Variants in RTN4 observed in about 807,000 individuals in gnomAD.
The protein encoded by RTN4 is reticulon 4.
A neutral mutation model predicts 90.4 loss-of-function variants in RTN4; 32 were observed. That is an observed-to-expected ratio of 0.35 (90% CI 0.27 to 0.48). The LOEUF (loss-of-function observed/expected upper bound fraction) is 0.48. Among genes scored for constraint, RTN4 ranks in the 20% least tolerant of loss-of-function variants. RTN4 has a pLI of 0.99. For missense variants in RTN4, 1,706 were observed against 1,430.2 expected, an observed-to-expected ratio of 1.19 and a Z score of -3.11; for synonymous variants, 629 against 552.5, an observed-to-expected ratio of 1.14 and a Z score of -1.94.
chr2:55,032,885 C>T (rs1012686068), intron 1 of RTN4, among the ~76,000 whole-genome samples: 1 of 151,586 alleles, frequency 6.6e-6, no homozygotes, highest in East Asian at 1.9e-4. Flanking sequence ...AAAAATTAGC[C>T]GGTGTAGTGG....
chr2:55,048,802 A>G (rs1374525811), intron 1 of RTN4, among the ~76,000 whole-genome samples: 1 of 152,238 alleles, frequency 6.6e-6, no homozygotes, highest in Non-Finnish European at 1.5e-5. Context: ...CACGAGTTCA[A>G]TTAGCCAATT....
intron 3 of RTN4, among the ~76,000 whole-genome samples, chr2:55,012,915 TAAAG>T (rs1341776427): frequency 2.6e-5 from 4 of 152,182 alleles, no homozygotes; most frequent in African/African-American, 7.2e-5. Flanking sequence ...ACAAGTCAAA[TAAAG>T]AAAGGACATA....
intron 3 of RTN4, among the ~76,000 whole-genome samples, chr2:55,016,054 G>C (rs1265037093): frequency 6.6e-6 from 1 of 151,992 alleles, no homozygotes; most frequent in African/African-American, 2.4e-5. Context: ...ATATAAAGAG[G>C]TTAATAGCAT....
intron 1 of RTN4, among the ~76,000 whole-genome samples, chr2:55,032,284 G>A (rs1682373878): frequency 6.6e-6 from 1 of 152,036 alleles, no homozygotes; most frequent in South Asian, 2.1e-4. Flanking sequence ...TCACTACGTT[G>A]GCCAAGCTGG....
At chr2:55,110,570 AT>A (rs752952765) in intron 1 of RTN4, among the ~76,000 whole-genome samples, 2 of 152,198 alleles carry the variant, frequency 1.3e-5, no homozygotes, top group Non-Finnish European at 2.9e-5. Flanking sequence ...CCCAAACAGC[AT>A]TTCCTGGTTA....
intron 1 of RTN4, among the ~76,000 whole-genome samples, chr2:55,087,117 T>A (rs1668855481): frequency 6.6e-6 from 1 of 152,250 alleles, no homozygotes; most frequent in Non-Finnish European, 1.5e-5. Context: ...AATTTATTCA[T>A]CTGGTCATCC....
intron 1 of RTN4, among the ~76,000 whole-genome samples, chr2:55,095,589 C>T (rs1391113611): frequency 6.6e-6 from 1 of 152,116 alleles, no homozygotes; most frequent in African/African-American, 2.4e-5. Flanking sequence ...TGAGGGCTCA[C>T]TGTAGCCTTG....
chr2:55,036,878 C>T (rs1260041987), intron 1 of RTN4, among the ~76,000 whole-genome samples: 1 of 152,080 alleles, frequency 6.6e-6, no homozygotes, highest in African/African-American at 2.4e-5. Context: ...TGCATTCACT[C>T]AAGATTCTGT....
intron 3 of RTN4, among the ~76,000 whole-genome samples, chr2:54,992,816 T>C (rs1310946661): frequency 1.3e-5 from 2 of 152,020 alleles, no homozygotes; most frequent in South Asian, 2.1e-4. Context: ...ACGCCTGTAA[T>C]CTCAGCACTT....
chr2:55,117,750 A>G, the RTN4 span, among the ~76,000 whole-genome samples: 24 of 152,326 alleles, frequency 1.6e-4, no homozygotes, highest in South Asian at 5.0e-3. Context: ...TGTGCTATGC[A>G]GGGATGCAAT....
chr2:55,049,875 C>T lies in RTN4; in HGVS notation c.426G>A (p.Arg142=). 3 of 1,318,970 alleles carry T rather than the reference C, an allele frequency of 2.3e-6. 1 individual carries two copies. Among genetic ancestry groups the T allele is most frequent in the Non-Finnish European group, 2.9e-6 (3 of 1,038,058 alleles). 81.7% of individuals were successfully genotyped at this position (1,318,970 alleles called of 1,614,324 possible). A position where few individuals can be genotyped will look rare whatever the true frequency, so the allele number is the denominator to read the frequency against. ...KLPEDDEPPA[R]PPPPPPASVS... is the part of the protein sequence containing the mutation. ...CGCTGGCCGGGGGAGGAGGGGGAGG[C>T]CGGGCCGGAGGCTCGTCGTCCTCAG... Residue 142 remains arginine, a synonymous_variant, in exon 1 of 9, where the codon CGG becomes CGA. Transcript: ENST00000337526.
chr2:54,972,604 A>G lies in RTN4; in HGVS notation c.*552T>C, dbSNP rs1441991412. On this transcript the variant is annotated 3_prime_UTR_variant, in exon 9 of 9. Transcript: ENST00000337526. ...GTCTAAGCTTTGTGAAACACTATAC[A>G]TATATAATCTATATTTACTTATATT... is the stretch of plus-strand genomic sequence containing the variant. 6.6e-6 allele frequency: 1 copy of G among 152,624 alleles called. No individual in the cohort carries two copies. Among genetic ancestry groups the G allele is most frequent in the African/African-American group, 2.4e-5 (1 of 41,456 alleles). 9.5% of individuals were successfully genotyped at this position (152,624 alleles called of 1,614,324 possible). A position where few individuals can be genotyped will look rare whatever the true frequency, so the allele number is the denominator to read the frequency against.
intron 2 of RTN4, among the ~76,000 whole-genome samples, chr2:55,078,610 G>A (rs369211402): frequency 6.6e-6 from 1 of 152,080 alleles, no homozygotes; most frequent in African/African-American, 2.4e-5. Flanking sequence ...AGTAATACTT[G>A]CAAGATACTA....
At chr2:54,975,625 CTA>C (rs968715017) in intron 5 of RTN4, among the ~76,000 whole-genome samples, 4 of 152,220 alleles carry the variant, frequency 2.6e-5, no homozygotes, top group Admixed American at 1.3e-4. Flanking sequence ...AGCTCCCACA[CTA>C]TACAAAAACA....
intron 3 of RTN4, among the ~76,000 whole-genome samples, chr2:55,003,505 AT>A (rs1468681908): frequency 6.6e-6 from 1 of 152,212 alleles, no homozygotes; most frequent in Admixed American, 6.5e-5. Context: ...TGTCAGCCTT[AT>A]TCATGATAGA....
intron 1 of RTN4, among the ~76,000 whole-genome samples, chr2:55,042,892 C>T (rs886252809): frequency 6.6e-6 from 1 of 152,104 alleles, no homozygotes. Flanking sequence ...AAATCAGTAA[C>T]CATACCATTA....
At chr2:55,044,164 T>C (rs1333366608) in intron 1 of RTN4, among the ~76,000 whole-genome samples, 1 of 152,148 alleles carries the variant, frequency 6.6e-6, no homozygotes, top group Non-Finnish European at 1.5e-5. Flanking sequence ...CACTATACTT[T>C]AGCCTGGGTG....
Position 54,986,343 on chromosome 2 carries a change from G to C in RTN4, c.3221+1148C>G, listed in dbSNP as rs1678561375. 2.0e-5 allele frequency among the ~76,000 whole-genome samples: 3 copies of C among 152,202 alleles called. No individual in the cohort carries two copies. In the South Asian group the frequency reaches 6.2e-4, roughly 31 times the overall value. ...TAGGGGTCAGCAAACTTTCTGTAAA[G>C]GGCCAGATAGTTAAGCATTTTAGGC... On this transcript the variant is annotated intron_variant, in intron 4 of 8. Coordinates refer to ENST00000337526, the MANE Select transcript of RTN4 (RefSeq NM_020532.5).
At chr2:55,130,656 C>T in the RTN4 span, among the ~76,000 whole-genome samples, 11 of 152,098 alleles carry the variant, frequency 7.2e-5, no homozygotes, top group Non-Finnish European at 1.5e-4. Context: ...GAGGCTGAGG[C>T]GGGAGGATCT....
Sources: allele counts gnomAD v4.1 joint callset (sites outside exome capture counted in the v4.1 genomes callset), GRCh38; gene constraint gnomAD v4.1.1; transcripts MANE v1.5; gene names NCBI Gene and HGNC (gene_info 2026-07-23, HGNC 2026-07-21).